Variants in ANKRD44 observed in about 807,000 individuals in gnomAD.
ANKRD44 encodes ankyrin repeat domain 44, also known as serine/threonine-protein phosphatase 6 regulatory ankyrin repeat subunit B.
Under a neutral mutation model 116.0 loss-of-function variants are expected in ANKRD44, and 35 were observed. The observed-to-expected ratio is 0.30, with a 90% CI of 0.23 to 0.40. ANKRD44 has a LOEUF of 0.40. Among genes scored for constraint, ANKRD44 ranks in the 10% least tolerant of loss-of-function variants. ANKRD44 has a pLI of 1.00. For synonymous variants in ANKRD44, 435 were observed against 461.8 expected, an observed-to-expected ratio of 0.94 and a Z score of 0.74; for missense variants, 1,014 against 1,242.6, an observed-to-expected ratio of 0.82 and a Z score of 2.77.
chr2:197,046,840 CAACA>C (rs926342719), intron 16 of ANKRD44, among the ~76,000 whole-genome samples: 2 of 152,116 alleles, frequency 1.3e-5, no homozygotes, highest in African/African-American at 2.4e-5. Flanking sequence ...GTTTACACCA[CAACA>C]AACAGACACA....
intron 1 of ANKRD44, among the ~76,000 whole-genome samples, chr2:197,251,663 C>T (rs1436689190): frequency 6.6e-6 from 1 of 152,134 alleles, no homozygotes; most frequent in Non-Finnish European, 1.5e-5. Flanking sequence ...TTACTCTTTG[C>T]CCATTAATCT....
chr2:197,306,639 C>G (rs1168240920), intron 1 of ANKRD44, among the ~76,000 whole-genome samples: 1 of 152,152 alleles, frequency 6.6e-6, no homozygotes, highest in Non-Finnish European at 1.5e-5. Flanking sequence ...CACCAGTGCT[C>G]TAGGGAGCCA....
intron 1 of ANKRD44, among the ~76,000 whole-genome samples, chr2:197,191,774 T>C (rs1049774191): frequency 1.3e-5 from 2 of 152,128 alleles, no homozygotes; most frequent in African/African-American, 4.8e-5. Context: ...TTCTTAGTCA[T>C]AAGTAAACAT....
At chr2:197,014,553 CG>C (rs1171036743) in intron 17 of ANKRD44, among the ~76,000 whole-genome samples, 1 of 151,908 alleles carries the variant, frequency 6.6e-6, no homozygotes, top group Non-Finnish European at 1.5e-5. Context: ...TTTGGGAGGC[CG>C]AGACGGGTGG....
intron 1 of ANKRD44, among the ~76,000 whole-genome samples, chr2:197,260,703 T>C (rs1009516246): frequency 2.6e-5 from 4 of 152,054 alleles, no homozygotes; most frequent in Admixed American, 1.3e-4. Flanking sequence ...CCACCAACAA[T>C]GTAAAAGTGT....
At chr2:197,290,446 T>A (rs12617117) in intron 1 of ANKRD44, among the ~76,000 whole-genome samples, 43,494 of 152,050 alleles carry the variant, frequency 0.29, 7,555 homozygotes, top group East Asian at 0.47. Context: ...TTTTTTTTTA[T>A]TGCTGATTCA....
At chr2:197,088,400 C>A (rs574338324) in intron 12 of ANKRD44, among the ~76,000 whole-genome samples, 1 of 152,168 alleles carries the variant, frequency 6.6e-6, no homozygotes, top group South Asian at 2.1e-4. Context: ...GAACAAATTT[C>A]AAATTATTGT....
At chr2:197,064,465 C>T (rs539397333) in intron 16 of ANKRD44, among the ~76,000 whole-genome samples, 4 of 152,142 alleles carry the variant, frequency 2.6e-5, no homozygotes, top group Middle Eastern at 3.4e-3. Flanking sequence ...TAAGCTTAAA[C>T]GTAAATGGGC....
At chr2:197,058,387 G>A (rs571862105) in intron 16 of ANKRD44, among the ~76,000 whole-genome samples, 1 of 132,138 alleles carries the variant, frequency 7.6e-6, no homozygotes, top group South Asian at 2.7e-4. Flanking sequence ...CCCGCATTTA[G>A]GCTGTGAATC....
intron 16 of ANKRD44, among the ~76,000 whole-genome samples, chr2:197,069,701 C>T (rs1196591857): frequency 6.6e-6 from 1 of 151,988 alleles, no homozygotes; most frequent in Non-Finnish European, 1.5e-5. Context: ...TGATTTTTCC[C>T]ACATTGTTCT....
At position 197,256,044 on chromosome 2, in the gene ANKRD44, G is replaced by A. The variant is rs114083786; in HGVS notation, c.27+54534C>T. 6.1e-3 allele frequency among the ~76,000 whole-genome samples: 934 copies of A among 152,244 alleles called. 9 individuals are homozygous for A. The highest frequency in any genetic ancestry group is 0.021 in the African/African-American group (881 of 41,528). The stretch of plus-strand genomic sequence containing the variant: ...CTGAATTTATACTTTCTTAACAGGG[G>A]CTGTCTTTTGTATATGTGGTTTGTG... On this transcript the variant is annotated intron_variant, in intron 1 of 27. Transcript: ENST00000282272.
chr2:197,076,685 C>G (rs1333451525), intron 16 of ANKRD44, among the ~76,000 whole-genome samples: 2 of 151,438 alleles, frequency 1.3e-5, no homozygotes, highest in Admixed American at 6.6e-5. Context: ...GCCCCAGTGT[C>G]TGTAGTTCCC....
rs1180323860 is a variant in ANKRD44 at position 197,203,042 on chromosome 2, T to A, written c.28-15936A>T. On this transcript the variant is annotated intron_variant, in intron 1 of 27. Coordinates refer to ENST00000282272, the MANE Select transcript of ANKRD44 (RefSeq NM_001195144.2). This position sits in a 1 kb window ranked among gnomAD's most constrained non-coding sequence, Gnocchi z 4.1. Reference sequence around the variant, plus strand: ...CAAGCGCTTGCAAAGGCTCTCCAGGTGACTCATACAGCTTCAACATACATG... The same window carrying A: ...CAAGCGCTTGCAAAGGCTCTCCAGGAGACTCATACAGCTTCAACATACATG... Among the ~76,000 whole-genome samples the A allele has an allele frequency of 6.6e-6, 1 of 152,158 alleles. No individual in the cohort carries two copies. Among genetic ancestry groups the A allele is most frequent in the Non-Finnish European group, 1.5e-5 (1 of 68,030 alleles).
chr2:197,173,151 C>T lies in ANKRD44; in HGVS notation c.111+13872G>A, dbSNP rs933495082. Among the ~76,000 whole-genome samples the T allele has an allele frequency of 4.6e-5, 7 of 152,108 alleles. No homozygotes were observed. The South Asian group carries it at 6.2e-4, about 14-fold the overall frequency. ...CTTTAGAAACAAGATATTCATAGTA[C>T]AGCCCCAACAATTTCTATAAGCAAA... On this transcript the variant is annotated intron_variant, in intron 2 of 27. Transcript: ENST00000282272.
intron 16 of ANKRD44, among the ~76,000 whole-genome samples, chr2:197,068,947 G>C (rs1439688178): frequency 1.3e-5 from 2 of 152,114 alleles, no homozygotes; most frequent in African/African-American, 2.4e-5. Context: ...CCCATTACTG[G>C]GTATATACCC....
intron 10 of ANKRD44, among the ~76,000 whole-genome samples, chr2:197,095,664 A>C (rs1449087007): frequency 1.3e-5 from 2 of 152,184 alleles, no homozygotes; most frequent in Admixed American, 1.3e-4. Flanking sequence ...ACTGAAGATG[A>C]GTCCCATTTC....
chr2:197,286,591 T>G (rs1025287904), intron 1 of ANKRD44, among the ~76,000 whole-genome samples: 2 of 152,108 alleles, frequency 1.3e-5, no homozygotes, highest in African/African-American at 4.8e-5. Context: ...TTGTCCAGGC[T>G]GGTCCTGAAC....
chr2:197,106,318 C>T (rs1249480829), intron 9 of ANKRD44, among the ~76,000 whole-genome samples: 1 of 151,894 alleles, frequency 6.6e-6, no homozygotes, highest in Non-Finnish European at 1.5e-5. Flanking sequence ...GGCAAGCTAC[C>T]TGAGTAGTCC....
At chr2:197,012,920 A>G (rs1451869988) in intron 18 of ANKRD44, among the ~76,000 whole-genome samples, 1 of 152,244 alleles carries the variant, frequency 6.6e-6, no homozygotes, top group Non-Finnish European at 1.5e-5. Context: ...TATATCTAGA[A>G]GTGTCTTGAC....
Sources: gnomAD v4.1 joint callset for allele counts (sites outside exome capture counted in the v4.1 genomes callset) on GRCh38, gnomAD v4.1.1 for gene constraint, Gnocchi (gnomAD v3.1) non-coding constraint, MANE v1.5 for transcripts, NCBI Gene and HGNC (gene_info 2026-07-23, HGNC 2026-07-21) for gene names.